Variants in GRM7 observed in about 807,000 individuals in gnomAD.
GRM7 encodes the protein glutamate metabotropic receptor 7, also known as metabotropic glutamate receptor 7.
In GRM7, 35 loss-of-function variants were observed where a neutral mutation model predicts 84.5. The observed-to-expected ratio is 0.41, with a 90% CI of 0.32 to 0.55. The LOEUF is 0.55. Ranked by LOEUF, GRM7 falls within the 20% of genes least tolerant of loss-of-function variation. The pLI, the probability that GRM7 is intolerant of heterozygous loss-of-function variation, is 0.19. For missense variants in GRM7, 1,003 were observed against 1,194.6 expected, an observed-to-expected ratio of 0.84 and a Z score of 2.36; for synonymous variants, 487 against 455.1, an observed-to-expected ratio of 1.07 and a Z score of -0.89.
chr3:7,069,731 C>G (rs1697794050), intron 1 of GRM7, among the ~76,000 whole-genome samples: 1 of 152,128 alleles, frequency 6.6e-6, no homozygotes, highest in African/African-American at 2.4e-5. Context: ...GTGTGATTAA[C>G]AACACTGACC....
rs767030116 is a variant in GRM7 at position 6,861,582 on chromosome 3, T to A, written c.194T>A (p.Val65Glu). 6.2e-7 allele frequency: 1 copy of A among 1,605,780 alleles called. No individual in the cohort carries two copies. The highest frequency in any genetic ancestry group is 8.5e-7 in the Non-Finnish European group (1 of 1,175,470). The change falls in exon 1 of 10, where the codon GTG (valine) becomes GAG (glutamate). Residue 65 changes from valine (V) to glutamate (E), a missense_variant. By Grantham distance (121) the Val-to-Glu change is moderately radical. This residue lies in a region of GRM7 where 910 missense variants were observed against 1,126.0 expected (regional missense o/e 0.81). Coordinates refer to ENST00000357716, the MANE Select transcript of GRM7 (RefSeq NM_000844.4). This position sits in a 1 kb window ranked among gnomAD's most constrained non-coding sequence, Gnocchi z 6.4. ...FPVHAKGPSGVPCGDIKRENG... is the reference protein window; with the variant it reads ...FPVHAKGPSGEPCGDIKRENG... ...GTGCACGCCAAGGGTCCCAGCGGAG[T>A]GCCCTGCGGCGACATCAAGAGGGAA...
chr3:7,343,080 A>G (rs752931550), intron 4 of GRM7, among the ~76,000 whole-genome samples: 2 of 152,190 alleles, frequency 1.3e-5, no homozygotes, highest in Non-Finnish European at 2.9e-5. Flanking sequence ...GTTTAGAGCT[A>G]TGTACATGGC....
At chr3:7,342,062 C>T (rs1044640838) in intron 4 of GRM7, among the ~76,000 whole-genome samples, 3 of 152,134 alleles carry the variant, frequency 2.0e-5, no homozygotes, top group Non-Finnish European at 2.9e-5. Context: ...ACAGACACAG[C>T]ATTCCATTCA....
At chr3:7,404,061 G>T (rs1355521413) in intron 4 of GRM7, among the ~76,000 whole-genome samples, 1 of 152,078 alleles carries the variant, frequency 6.6e-6, no homozygotes, top group African/African-American at 2.4e-5. Flanking sequence ...TGATTCAGCT[G>T]GTCTGGTTTG....
chr3:7,578,790 C>G lies in GRM7; in HGVS notation c.1884C>G (p.Leu628=), dbSNP rs1360562258. ...TPIVRASGRE[L]SYVLLTGIFL... is the part of the protein sequence containing the mutation. ...TTGTCCGGGCATCTGGGCGGGAACT[C>G]AGCTATGTTCTTTTGACGGGCATCT... The change falls in exon 8 of 10, where the codon CTC becomes CTG. Residue 628 remains leucine, a synonymous_variant. Transcript: ENST00000357716. 2 of 1,614,092 alleles carry G rather than the reference C, an allele frequency of 1.2e-6. No homozygotes were observed. Among genetic ancestry groups the G allele is most frequent in the African/African-American group, 2.7e-5 (2 of 75,040 alleles).
chr3:7,034,105 C>G (rs941378859), intron 1 of GRM7, among the ~76,000 whole-genome samples: 2 of 152,136 alleles, frequency 1.3e-5, no homozygotes. Flanking sequence ...AGAAATTGGT[C>G]AAGGGTAGGC....
intron 1 of GRM7, among the ~76,000 whole-genome samples, chr3:6,975,974 A>G (rs1693977146): frequency 6.6e-6 from 1 of 152,218 alleles, no homozygotes; most frequent in Admixed American, 6.5e-5. Context: ...GTTGAAAAAA[A>G]TAAACAAGCT....
chr3:7,649,312 T>A (rs960763876), intron 8 of GRM7, among the ~76,000 whole-genome samples: 7 of 151,990 alleles, frequency 4.6e-5, no homozygotes, highest in Non-Finnish European at 8.8e-5. Context: ...CTCGTGATCC[T>A]CCTGCCTCGG....
At position 7,288,823 on chromosome 3, in the gene GRM7, A is replaced by G. The variant is rs910325959; in HGVS notation, c.737-9861A>G. The stretch of plus-strand genomic sequence containing the variant: ...ACTAGATAATTCACAAAGGTCTGAT[A>G]ATATCCCGAGAACCACTGTCTTAGA... On this transcript the variant is annotated intron_variant, in intron 2 of 9. Transcript: ENST00000357716. Among the ~76,000 whole-genome samples, 7 of 152,256 alleles carry G rather than the reference A, an allele frequency of 4.6e-5. No individual in the cohort carries two copies. The South Asian group carries it at 8.3e-4, about 18-fold the overall frequency.
rs1375920 is a variant in GRM7 at position 7,430,178 on chromosome 3, T to G, written c.1174+15015T>G. On this transcript the variant is annotated intron_variant, in intron 5 of 9. Coordinates refer to ENST00000357716, the MANE Select transcript of GRM7 (RefSeq NM_000844.4). ...AACTACTTGGAAGTAGTTGTGATCT[T>G]ATAAAGTATAATTTAATGGTTGCAG... 9.9e-3 allele frequency among the ~76,000 whole-genome samples: 1,511 copies of G among 152,330 alleles called. 27 individuals are homozygous for G. Among genetic ancestry groups the G allele is most frequent in the African/African-American group, 0.033 (1,359 of 41,576 alleles).
chr3:7,507,355 G>A (rs1464160377), intron 7 of GRM7, among the ~76,000 whole-genome samples: 1 of 152,134 alleles, frequency 6.6e-6, no homozygotes, highest in Non-Finnish European at 1.5e-5. Context: ...GGAAACTTCT[G>A]GAATTGTTTC....
chr3:7,470,083 C>T (rs1277292767), intron 7 of GRM7, among the ~76,000 whole-genome samples: 1 of 152,200 alleles, frequency 6.6e-6, no homozygotes, highest in African/African-American at 2.4e-5. Context: ...TGTGCGCTCT[C>T]TATGTTACAA....
intron 8 of GRM7, among the ~76,000 whole-genome samples, chr3:7,602,613 T>C (rs770149271): frequency 3.9e-5 from 6 of 152,162 alleles, no homozygotes; most frequent in Admixed American, 1.3e-4. Flanking sequence ...TAGCCTTCCA[T>C]TGATTTCCAG....
intron 7 of GRM7, among the ~76,000 whole-genome samples, chr3:7,555,657 T>G (rs1437516709): frequency 1.3e-5 from 2 of 152,216 alleles, no homozygotes. Flanking sequence ...AATCTTGAAT[T>G]GGCAAATATT....
intron 7 of GRM7, among the ~76,000 whole-genome samples, chr3:7,483,098 T>C (rs879726564): frequency 5.5e-4 from 84 of 152,176 alleles, no homozygotes; most frequent in African/African-American, 1.9e-3. Context: ...CAATGAGTCA[T>C]CCATTCACCC....
intron 2 of GRM7, among the ~76,000 whole-genome samples, chr3:7,169,920 A>T (rs1466456627): frequency 2.6e-5 from 4 of 152,206 alleles, no homozygotes; most frequent in Non-Finnish European, 4.4e-5. Flanking sequence ...AAATAGAGGT[A>T]TATATAGGAC....
At chr3:7,678,341 C>G (rs979470528) in intron 8 of GRM7, among the ~76,000 whole-genome samples, 3 of 152,098 alleles carry the variant, frequency 2.0e-5, no homozygotes, top group African/African-American at 7.2e-5. Context: ...GCAAAATTCA[C>G]TCATAAGCAG....
intron 8 of GRM7, among the ~76,000 whole-genome samples, chr3:7,613,777 A>G (rs756506620): frequency 4.6e-5 from 7 of 152,192 alleles, no homozygotes; most frequent in Non-Finnish European, 8.8e-5. Flanking sequence ...TCTGACATCA[A>G]GACCTCACAT....
intron 4 of GRM7, among the ~76,000 whole-genome samples, chr3:7,319,294 T>A (rs961053128): frequency 1.3e-5 from 2 of 152,016 alleles, no homozygotes; most frequent in African/African-American, 4.8e-5. Context: ...CACATAGTAG[T>A]TGAACTAAGA....
Sources: gnomAD v4.1 joint callset for allele counts (sites outside exome capture counted in the v4.1 genomes callset) on GRCh38, gnomAD v4.1.1 for gene constraint, gnomAD v4.1.1 regional missense constraint, Gnocchi (gnomAD v3.1) non-coding constraint, MANE v1.5 for transcripts, NCBI Gene and HGNC (gene_info 2026-07-23, HGNC 2026-07-21) for gene names.